CCDC85A: variants seen among roughly 807,000 people sequenced by gnomAD.
The protein encoded by CCDC85A is coiled-coil domain-containing protein 85A.
A neutral mutation model predicts 50.2 loss-of-function variants in CCDC85A; 38 were observed. The observed-to-expected ratio is 0.76, with a 90% CI of 0.58 to 0.99. CCDC85A has a LOEUF of 0.99. Ranked by LOEUF, CCDC85A falls within the 50% of genes least tolerant of loss-of-function variation. The pLI, the probability that CCDC85A is intolerant of heterozygous loss-of-function variation, is 0.00. For missense variants in CCDC85A, 820 were observed against 742.0 expected (o/e 1.11, Z -1.22); for synonymous variants, 366 against 301.4 (o/e 1.21, Z -2.22).
At chr2:56,205,373 T>C (rs1252793283) in intron 2 of CCDC85A, among the ~76,000 whole-genome samples, 2 of 151,832 alleles carry the variant, frequency 1.3e-5, no homozygotes, top group Non-Finnish European at 2.9e-5. Context: ...ACAGCTGACA[T>C]TTGAACTAGT....
intron 2 of CCDC85A, among the ~76,000 whole-genome samples, chr2:56,285,157 A>G (rs1206366969): frequency 1.3e-5 from 2 of 149,614 alleles, no homozygotes; most frequent in Admixed American, 6.7e-5. Flanking sequence ...GCTGGAGTGC[A>G]GTGGCACAAT....
intron 2 of CCDC85A, among the ~76,000 whole-genome samples, chr2:56,325,059 A>G (rs1036749474): frequency 6.6e-6 from 1 of 152,108 alleles, no homozygotes; most frequent in African/African-American, 2.4e-5. Context: ...AAAGTTAAAG[A>G]AGCACTCTTG....
chr2:56,288,962 G>C (rs1671577798), intron 2 of CCDC85A, among the ~76,000 whole-genome samples: 1 of 152,154 alleles, frequency 6.6e-6, no homozygotes. Context: ...TTTAGTTGCT[G>C]ATAGTTTCAC....
chr2:56,368,447 T>A (rs1190822496), intron 3 of CCDC85A, among the ~76,000 whole-genome samples: 1 of 152,122 alleles, frequency 6.6e-6, no homozygotes, highest in East Asian at 1.9e-4. Context: ...AAATATTATT[T>A]CCCTGATGAG....
intron 1 of CCDC85A, 67 bp downstream of exon 1, chr2:56,184,967 G>A: frequency 7.0e-7 from 1 of 1,428,262 alleles, no homozygotes; most frequent in Non-Finnish European, 9.1e-7. Flanking sequence ...AGGAGGCGGG[G>A]CCAGGCAAAC....
chr2:56,189,497 G>A (rs1676205999), intron 1 of CCDC85A, among the ~76,000 whole-genome samples: 2 of 151,882 alleles, frequency 1.3e-5, no homozygotes, highest in Non-Finnish European at 2.9e-5. Context: ...CACCACGTTG[G>A]CCAGACTGGT....
At chr2:56,247,896 G>A (rs1669581074) in intron 2 of CCDC85A, among the ~76,000 whole-genome samples, 2 of 152,152 alleles carry the variant, frequency 1.3e-5, no homozygotes, top group Admixed American at 1.3e-4. Flanking sequence ...ATCTTTTGCT[G>A]GTACTATAAG....
At chr2:56,271,433 A>C (rs1276043551) in intron 2 of CCDC85A, among the ~76,000 whole-genome samples, 1 of 151,970 alleles carries the variant, frequency 6.6e-6, no homozygotes, top group East Asian at 1.9e-4. Context: ...GAGGTGGGGG[A>C]CATTGTGTGT....
At chr2:56,316,907 A>T (rs915115291) in intron 2 of CCDC85A, among the ~76,000 whole-genome samples, 7 of 152,272 alleles carry the variant, frequency 4.6e-5, no homozygotes, top group East Asian at 3.9e-4. Flanking sequence ...AGAGATTTTT[A>T]AAAAATGTCT....
chr2:56,259,369 G>A (rs1670123904), intron 2 of CCDC85A, among the ~76,000 whole-genome samples: 1 of 152,158 alleles, frequency 6.6e-6, no homozygotes, highest in African/African-American at 2.4e-5. Flanking sequence ...AGGAGCCAAT[G>A]GGCCCTGGCT....
chr2:56,208,142 GAAACT>G (rs1403433945), intron 2 of CCDC85A, among the ~76,000 whole-genome samples: 30 of 151,948 alleles, frequency 2.0e-4, no homozygotes, highest in African/African-American at 6.8e-4. Context: ...TAGCCCAGAA[GAAACT>G]AAACTAAATT....
At chr2:56,186,140 A>G (rs990278922) in intron 1 of CCDC85A, among the ~76,000 whole-genome samples, 7 of 152,194 alleles carry the variant, frequency 4.6e-5, no homozygotes, top group Non-Finnish European at 5.9e-5. Context: ...TCATTGTCAT[A>G]TAGTCCCTAG....
intron 2 of CCDC85A, among the ~76,000 whole-genome samples, chr2:56,243,778 G>GGA (rs1367062327): frequency 6.6e-6 from 1 of 152,152 alleles, no homozygotes; most frequent in Non-Finnish European, 1.5e-5. Flanking sequence ...ATCCTTCTTA[G>GGA]GAAGGCTTTC....
At position 56,227,110 on chromosome 2, in the gene CCDC85A, A is replaced by G. The variant is rs575793607; in HGVS notation, c.1240+33670A>G. 2.6e-5 allele frequency among the ~76,000 whole-genome samples: 4 copies of G among 152,272 alleles called. No homozygotes were observed. In the South Asian group the frequency reaches 8.3e-4, roughly 32 times the overall value. On this transcript the variant is annotated intron_variant, in intron 2 of 5. Transcript: ENST00000407595. ...TAGCTGCATAGAATCCTCTTTTATT[A>G]TTAGTCAGGCTTCTGAAATCCGAGA...
At chr2:56,383,782 C>T (rs1676701852) in intron 5 of CCDC85A, 2 of 975,320 alleles carry the variant, frequency 2.1e-6, no homozygotes, top group Non-Finnish European at 2.4e-6. Context: ...ACATTAAACA[C>T]TGATATCCTT....
At chr2:56,368,826 AC>A (rs1049778778) in intron 3 of CCDC85A, among the ~76,000 whole-genome samples, 83 of 151,954 alleles carry the variant, frequency 5.5e-4, no homozygotes, top group African/African-American at 2.0e-3. Flanking sequence ...TTATATATAC[AC>A]ATACATATGT....
At chr2:56,321,287 T>C (rs543095442) in intron 2 of CCDC85A, among the ~76,000 whole-genome samples, 13 of 152,150 alleles carry the variant, frequency 8.5e-5, no homozygotes, top group Admixed American at 4.6e-4. Flanking sequence ...GAAGTTCTGG[T>C]CAGGGCAATC....
intron 2 of CCDC85A, among the ~76,000 whole-genome samples, chr2:56,340,440 A>G (rs765180075): frequency 1.7e-4 from 26 of 152,130 alleles, no homozygotes; most frequent in Non-Finnish European, 2.6e-4. Context: ...TTCTGCTTCA[A>G]TATTAACTAT....
intron 5 of CCDC85A, among the ~76,000 whole-genome samples, chr2:56,380,391 A>G (rs961360733): frequency 3.3e-5 from 5 of 152,172 alleles, no homozygotes; most frequent in Non-Finnish European, 5.9e-5. Context: ...AGAAAGACAG[A>G]TAAGAACCTA....
Sources: allele counts gnomAD v4.1 joint callset (sites outside exome capture counted in the v4.1 genomes callset), GRCh38; gene constraint gnomAD v4.1.1; transcripts MANE v1.5; gene names NCBI Gene and HGNC (gene_info 2026-07-23, HGNC 2026-07-21).